ARHGAP32: variants seen among roughly 807,000 people sequenced by gnomAD.
ARHGAP32 encodes rho GTPase-activating protein 32.
Under a neutral mutation model 186.5 loss-of-function variants are expected in ARHGAP32, and 51 were observed. That is an observed-to-expected ratio of 0.27 (90% CI 0.22 to 0.35). The LOEUF (loss-of-function observed/expected upper bound fraction) is 0.35, where lower values mean the gene tolerates loss of function less well. Among genes scored for constraint, ARHGAP32 ranks in the 10% least tolerant of loss-of-function variants. The pLI is 1.00. For synonymous variants in ARHGAP32, 950 were observed against 964.3 expected (o/e 0.99, Z 0.27); for missense variants, 2,186 against 2,623.5 (o/e 0.83, Z 3.64).
At position 129,123,138 on chromosome 11, in the gene ARHGAP32, T is replaced by TTTC. The variant is rs1340880873; in HGVS notation, c.444+305_444+307dup. Among the ~76,000 whole-genome samples, 4 of 152,084 alleles carry TTTC rather than the reference T, an allele frequency of 2.6e-5. No individual in the cohort carries two copies. The highest frequency in any genetic ancestry group is 4.4e-5 in the Non-Finnish European group (3 of 67,988). The stretch of plus-strand genomic sequence containing the variant: ...AATTAATTAAGACAAGTTTACATAA[T>TTTC]TTCAGAATAGAAAGTCACTACACAA... On this transcript the variant is annotated intron_variant, in intron 5 of 22. Transcript: ENST00000682385. The surrounding 1 kb of genome is among the most constrained non-coding windows in gnomAD (Gnocchi z 4.6).
At chr11:129,129,021 A>C (rs1268538604) in intron 2 of ARHGAP32, among the ~76,000 whole-genome samples, 1 of 148,586 alleles carries the variant, frequency 6.7e-6, no homozygotes, top group African/African-American at 2.5e-5. Flanking sequence ...TGGGAAGTGA[A>C]GAGCGTCTCT....
chr11:128,999,188 TG>T (rs2134739493), intron 11 of ARHGAP32, among the ~76,000 whole-genome samples: 1 of 152,276 alleles, frequency 6.6e-6, no homozygotes, highest in East Asian at 1.9e-4. Flanking sequence ...GGAAAGAGAA[TG>T]CATTCCCAGG....
At chr11:129,158,189 AG>A (rs1943453576) in intron 2 of ARHGAP32, among the ~76,000 whole-genome samples, 1 of 152,202 alleles carries the variant, frequency 6.6e-6, no homozygotes, top group Non-Finnish European at 1.5e-5. Context: ...ATAACCAGCT[AG>A]CATCATAATG....
At chr11:129,162,717 TTGA>T (rs1308953753) in intron 2 of ARHGAP32, among the ~76,000 whole-genome samples, 17 of 152,188 alleles carry the variant, frequency 1.1e-4, no homozygotes, top group African/African-American at 3.9e-4. Flanking sequence ...TACTGCAGAC[TTGA>T]TGATATTTCT....
chr11:128,993,537 TTCA>T (rs1316712255), intron 12 of ARHGAP32, among the ~76,000 whole-genome samples: 1 of 151,820 alleles, frequency 6.6e-6, no homozygotes, highest in Non-Finnish European at 1.5e-5. Context: ...TCATTTTTTC[TTCA>T]TTTTATTCTA....
chr11:129,198,456 C>G (rs1858852904), intron 1 of ARHGAP32, among the ~76,000 whole-genome samples: 1 of 152,150 alleles, frequency 6.6e-6, no homozygotes, highest in Non-Finnish European at 1.5e-5. Context: ...TAGGAGACAA[C>G]TGAATCATGG....
rs1945359843 is a variant in ARHGAP32 at position 128,971,172 on chromosome 11, G to T, written c.4054-13C>A. On this transcript the variant is annotated splice_polypyrimidine_tract_variant and intron_variant, in intron 22 of 22. Transcript: ENST00000682385. Reference sequence around the variant, plus strand: ...CTACTCCTTGAACCTATTGAAAGATGATAATACTATGGGTCTATTTTTTGT... The same window carrying T: ...CTACTCCTTGAACCTATTGAAAGATTATAATACTATGGGTCTATTTTTTGT... 4 of 1,590,816 alleles carry T rather than the reference G, an allele frequency of 2.5e-6. No individual in the cohort carries two copies. The highest frequency in any genetic ancestry group is 2.7e-5 in the African/African-American group (2 of 74,454).
intron 1 of ARHGAP32, among the ~76,000 whole-genome samples, chr11:129,206,752 C>CT (rs796713060): frequency 0.05 from 7,148 of 143,588 alleles, 528 homozygotes; most frequent in African/African-American, 0.16. Context: ...GTAAGCCATT[C>CT]TTTTTTTTTT....
chr11:129,103,285 G>A (rs1361387744), intron 5 of ARHGAP32, among the ~76,000 whole-genome samples: 3 of 152,072 alleles, frequency 2.0e-5, no homozygotes, highest in African/African-American at 7.2e-5. Context: ...GATTTTAAGA[G>A]CAAACTGGCA....
In ARHGAP32 at chr11:129,061,660, G is replaced by A. The variant is rs73013464; in HGVS notation, c.963+620C>T. ...TATGCTGGACAAAGGGATGATTCAC[G>A]TCCGGGGTGGGACAGAGAGAGATTT... is the stretch of plus-strand genomic sequence containing the variant. On this transcript the variant is annotated intron_variant, in intron 10 of 22. Transcript: ENST00000682385. Among the ~76,000 whole-genome samples the A allele has an allele frequency of 7.7e-3, 1,173 of 152,254 alleles. 12 individuals carry two copies. Among genetic ancestry groups the A allele is most frequent in the Non-Finnish European group, 0.011 (731 of 68,012 alleles).
chr11:129,248,610 G>C (rs1945135963), intron 1 of ARHGAP32, among the ~76,000 whole-genome samples: 1 of 152,082 alleles, frequency 6.6e-6, no homozygotes, highest in Non-Finnish European at 1.5e-5. Flanking sequence ...ATTGTTTTCT[G>C]TGCTGTCTAC....
At chr11:129,200,121 A>C (rs979432713) in intron 1 of ARHGAP32, among the ~76,000 whole-genome samples, 1 of 152,142 alleles carries the variant, frequency 6.6e-6, no homozygotes, top group African/African-American at 2.4e-5. Context: ...TGTATCTAGG[A>C]GGTAACTAAC....
intron 12 of ARHGAP32, among the ~76,000 whole-genome samples, chr11:128,995,166 A>G (rs1312262421): frequency 1.3e-5 from 2 of 152,132 alleles, no homozygotes; most frequent in African/African-American, 4.8e-5. Flanking sequence ...TCTACCATTT[A>G]TAGATAATAT....
At chr11:128,992,234 G>T (rs1196540747) in intron 12 of ARHGAP32, among the ~76,000 whole-genome samples, 1 of 151,726 alleles carries the variant, frequency 6.6e-6, no homozygotes, top group African/African-American at 2.4e-5. Context: ...CCTCTCCGAG[G>T]GTTTCAAAAT....
intron 1 of ARHGAP32, among the ~76,000 whole-genome samples, chr11:129,226,422 G>A (rs1180722404): frequency 1.3e-5 from 2 of 152,136 alleles, no homozygotes; most frequent in African/African-American, 4.8e-5. Flanking sequence ...GCTGGTTTCT[G>A]ATCAGAAATC....
At chr11:129,207,868 C>T (rs1159604345) in intron 1 of ARHGAP32, among the ~76,000 whole-genome samples, 1 of 152,102 alleles carries the variant, frequency 6.6e-6, no homozygotes, top group East Asian at 1.9e-4. Flanking sequence ...AGAATGTATA[C>T]ATGGGGCAGC....
chr11:129,218,353 T>C (rs1413814355), intron 1 of ARHGAP32, among the ~76,000 whole-genome samples: 2 of 152,100 alleles, frequency 1.3e-5, no homozygotes, highest in African/African-American at 4.8e-5. Context: ...TCATAGGAAC[T>C]GTTTATAACT....
upstream of ARHGAP32, among the ~76,000 whole-genome samples, chr11:129,193,562 T>A (rs1384910467): frequency 4.2e-4 from 5 of 11,978 alleles, 1 homozygote; most frequent in East Asian, 3.0e-3. Flanking sequence ...ATATATATAT[T>A]ATATATAATA....
chr11:129,010,720 T>C (rs1053200469), intron 11 of ARHGAP32, among the ~76,000 whole-genome samples: 1 of 152,316 alleles, frequency 6.6e-6, no homozygotes, highest in African/African-American at 2.4e-5. Context: ...GTTGATTCTT[T>C]TGAATTTCAT....
Sources: allele counts gnomAD v4.1 joint callset (sites outside exome capture counted in the v4.1 genomes callset), GRCh38; gene constraint gnomAD v4.1.1; non-coding constraint Gnocchi (gnomAD v3.1); transcripts MANE v1.5; gene names NCBI Gene and HGNC (gene_info 2026-07-23, HGNC 2026-07-21).